Variants in ACACB observed in about 807,000 individuals in gnomAD.
ACACB encodes acetyl-CoA carboxylase beta, also known as acetyl-CoA carboxylase 2.
In ACACB, 209 loss-of-function variants were observed where a neutral mutation model predicts 278.8. The observed-to-expected ratio is 0.75, with a 90% CI of 0.67 to 0.84. ACACB has a LOEUF of 0.84. Ranked by LOEUF, ACACB falls within the 40% of genes least tolerant of loss-of-function variation. The pLI is 0.00. For synonymous variants in ACACB, 1,174 were observed against 1,285.6 expected (o/e 0.91, Z 1.86); for missense variants, 2,850 against 3,269.0 (o/e 0.87, Z 3.13).
chr12:109,132,779 G>A (rs1438156837), intron 1 of ACACB, among the ~76,000 whole-genome samples: 2 of 152,160 alleles, frequency 1.3e-5, no homozygotes, highest in Non-Finnish European at 2.9e-5. Flanking sequence ...AAAGGGAAAG[G>A]CTGTGAGGTT....
At chr12:109,250,745 C>T (rs971457036) in intron 41 of ACACB, among the ~76,000 whole-genome samples, 2 of 152,056 alleles carry the variant, frequency 1.3e-5, no homozygotes, top group Non-Finnish European at 2.9e-5. Flanking sequence ...GGTGGTGAAT[C>T]TGTATGGGTC....
chr12:109,137,526 G>A (rs1267984555), intron 1 of ACACB, among the ~76,000 whole-genome samples: 1 of 151,904 alleles, frequency 6.6e-6, no homozygotes, highest in Admixed American at 6.6e-5. Context: ...CGGGCATGGT[G>A]GGGGGCACCT....
rs550167301 is a variant in ACACB at position 109,174,182 on chromosome 12, G to A, written c.1168G>A (p.Val390Ile). 8.1e-5 allele frequency: 130 copies of A among 1,613,282 alleles called. 2 individuals are homozygous for A. The South Asian group carries it at 1.3e-3, about 16-fold the overall frequency. Residue 390 changes from valine (V) to isoleucine (I), a missense_variant, in exon 7 of 53, where the codon GTT (valine) becomes ATT (isoleucine). By Grantham distance (29) the Val-to-Ile change is conservative. Transcript: ENST00000338432. ...CTTAGGAGATAAGATCGCCTCCACC[G>A]TTGTCGCCCAGACGCTACAGGTCCC... Reference protein sequence around the residue: ...WALGDKIASTVVAQTLQVPTL... With the variant: ...WALGDKIASTIVAQTLQVPTL...
chr12:109,197,579 C>T (rs1329813371), intron 17 of ACACB, among the ~76,000 whole-genome samples: 2 of 152,098 alleles, frequency 1.3e-5, no homozygotes, highest in Admixed American at 6.5e-5. Flanking sequence ...AGCTTCCAGC[C>T]CATTCGGGAA....
chr12:109,142,296 A>G (rs990153563), intron 2 of ACACB, among the ~76,000 whole-genome samples: 1 of 152,176 alleles, frequency 6.6e-6, no homozygotes, highest in Non-Finnish European at 1.5e-5. Flanking sequence ...AACTTATAAC[A>G]TGATTATTAT....
At chr12:109,207,658 T>A (rs2045561996) in intron 20 of ACACB, among the ~76,000 whole-genome samples, 1 of 152,182 alleles carries the variant, frequency 6.6e-6, no homozygotes, top group South Asian at 2.1e-4. Flanking sequence ...CCGCCAACCC[T>A]TAGCAAGTAT....
At chr12:109,259,748 C>T (rs1330781420) in intron 47 of ACACB, among the ~76,000 whole-genome samples, 1 of 152,184 alleles carries the variant, frequency 6.6e-6, no homozygotes, top group Admixed American at 6.5e-5. Context: ...CCACCCTTCC[C>T]TCTGCAGAAA....
At chr12:109,258,193 A>T in intron 45 of ACACB, 75 bp from the exon 46 acceptor site, 1 of 1,073,198 alleles carries the variant, frequency 9.3e-7, no homozygotes, top group Non-Finnish European at 1.4e-6. Flanking sequence ...ACGTGCCCTC[A>T]CCCCCACACC....
intron 44 of ACACB, among the ~76,000 whole-genome samples, chr12:109,254,838 G>C (rs568109480): frequency 6.6e-6 from 1 of 151,498 alleles, no homozygotes; most frequent in South Asian, 2.1e-4. Flanking sequence ...GCAGTGGCGC[G>C]ATCTTGGCTT....
At chr12:109,169,863 G>A (rs536201137) in intron 4 of ACACB, among the ~76,000 whole-genome samples, 5 of 152,294 alleles carry the variant, frequency 3.3e-5, no homozygotes, top group East Asian at 1.9e-4. Context: ...GAATCTCCCC[G>A]TTGGCCGACA....
At chr12:109,189,204 A>G (rs2044776234) in intron 13 of ACACB, among the ~76,000 whole-genome samples, 1 of 152,326 alleles carries the variant, frequency 6.6e-6, no homozygotes, top group African/African-American at 2.4e-5. Flanking sequence ...AAAAAATCCC[A>G]AAGGCCTTAG....
intron 21 of ACACB, among the ~76,000 whole-genome samples, chr12:109,212,431 CT>C (rs1454478789): frequency 6.6e-6 from 1 of 152,114 alleles, no homozygotes; most frequent in Non-Finnish European, 1.5e-5. Context: ...AATGTAGAAT[CT>C]GTGAGAGCCC....
At chr12:109,185,170 A>G (rs12302686) in intron 11 of ACACB, among the ~76,000 whole-genome samples, 8,991 of 152,208 alleles carry the variant, frequency 0.059, 316 homozygotes, top group Non-Finnish European at 0.072. Flanking sequence ...AGCTGGTTCC[A>G]TAATTGTCTA....
intron 13 of ACACB, 84 bp from the exon 14 acceptor site, chr12:109,191,529 C>G: frequency 1.3e-6 from 2 of 1,558,350 alleles, no homozygotes. Flanking sequence ...TGTGCTTTTC[C>G]AGTTCTCTGA....
chr12:109,206,679 CT>C, intron 19 of ACACB, 30 bp from the exon 20 acceptor site: 1 of 1,611,716 alleles, frequency 6.2e-7, no homozygotes, highest in Non-Finnish European at 8.5e-7. Context: ...CAGAGTTTTC[CT>C]GACCTGTCGT....
chr12:109,118,039 C>T (rs985564271), intron 1 of ACACB, among the ~76,000 whole-genome samples: 2 of 152,062 alleles, frequency 1.3e-5, no homozygotes, highest in South Asian at 2.1e-4. Context: ...CATGAGCCAC[C>T]GCGCCTGGCC....
chr12:109,232,096 A>G (rs963563434), intron 28 of ACACB, among the ~76,000 whole-genome samples: 1 of 152,096 alleles, frequency 6.6e-6, no homozygotes, highest in Non-Finnish European at 1.5e-5. Flanking sequence ...CCTGCACACC[A>G]TTTCATTACC....
chr12:109,185,787 C>T (rs1265787090), intron 12 of ACACB, 47 bp downstream of exon 12: 1 of 1,557,348 alleles, frequency 6.4e-7, no homozygotes, highest in African/African-American at 1.4e-5. Flanking sequence ...GATCTCCCAG[C>T]ATGTGGGGGA....
chr12:109,210,531 G>GTA (rs1318720786), intron 21 of ACACB, among the ~76,000 whole-genome samples: 1 of 147,432 alleles, frequency 6.8e-6, no homozygotes, highest in Admixed American at 6.8e-5. Context: ...GTGTATATGT[G>GTA]TATATATACG....
Sources: gnomAD v4.1 joint callset for allele counts (sites outside exome capture counted in the v4.1 genomes callset) on GRCh38, gnomAD v4.1.1 for gene constraint, MANE v1.5 for transcripts, NCBI Gene and HGNC (gene_info 2026-07-23, HGNC 2026-07-21) for gene names.